GRIK4: variants seen among roughly 807,000 people sequenced by gnomAD.
The protein encoded by GRIK4 is glutamate ionotropic receptor kainate type subunit 4, also known as glutamate receptor ionotropic, kainate 4.
In GRIK4, 40 loss-of-function variants were observed where a neutral mutation model predicts 104.9. That is an observed-to-expected ratio of 0.38 (90% CI 0.30 to 0.50). The LOEUF is 0.50. GRIK4 is among the 20% of genes least tolerant of loss of function. The pLI, the probability that GRIK4 is intolerant of heterozygous loss-of-function variation, is 0.93. For missense variants in GRIK4, 1,047 were observed against 1,308.1 expected (o/e 0.80, Z 3.08); for synonymous variants, 485 against 524.9 (o/e 0.92, Z 1.04).
intron 3 of GRIK4, among the ~76,000 whole-genome samples, chr11:120,731,366 A>C (rs1338295281): frequency 6.6e-6 from 1 of 151,942 alleles, no homozygotes; most frequent in East Asian, 1.9e-4. Flanking sequence ...ATATAATGTC[A>C]CGTTGCTTGA....
intron 13 of GRIK4, chr11:120,936,406 T>A: frequency 8.6e-6 from 3 of 347,634 alleles, no homozygotes; most frequent in South Asian, 8.2e-5. Flanking sequence ...TTTTTTTCTG[T>A]CTCCCCTTTA....
At chr11:120,901,311 C>T (rs1394555910) in intron 12 of GRIK4, among the ~76,000 whole-genome samples, 2 of 10,378 alleles carry the variant, frequency 1.9e-4, no homozygotes, top group Non-Finnish European at 3.2e-4. Flanking sequence ...AAGACCTGCT[C>T]GCTGCATCCT....
chr11:120,866,263 C>T (rs1179508277), intron 9 of GRIK4, among the ~76,000 whole-genome samples: 1 of 152,180 alleles, frequency 6.6e-6, no homozygotes, highest in Non-Finnish European at 1.5e-5. Flanking sequence ...AAGGTGACTC[C>T]TCGGCATATG....
At chr11:120,735,952 G>A (rs1352225614) in intron 3 of GRIK4, among the ~76,000 whole-genome samples, 2 of 152,114 alleles carry the variant, frequency 1.3e-5, no homozygotes, top group Admixed American at 1.3e-4. Flanking sequence ...TCTGTCCCAG[G>A]GCAGGTCCAG....
intron 10 of GRIK4, 142 bp downstream of exon 10, chr11:120,874,360 G>A (rs1954711013): frequency 3.0e-6 from 2 of 659,842 alleles, no homozygotes; most frequent in Admixed American, 5.3e-5. Flanking sequence ...GTGATCTCTG[G>A]TGACCCCAGT....
At chr11:120,572,783 C>T (rs1565555068) in intron 1 of GRIK4, among the ~76,000 whole-genome samples, 1 of 152,218 alleles carries the variant, frequency 6.6e-6, no homozygotes, top group Admixed American at 6.5e-5. Context: ...AAGGGAACAG[C>T]ACTGATGGAT....
chr11:120,694,581 G>A (rs1219729491), intron 3 of GRIK4, among the ~76,000 whole-genome samples: 1 of 152,188 alleles, frequency 6.6e-6, no homozygotes, highest in Admixed American at 6.5e-5. Flanking sequence ...GCTCTGGGGG[G>A]CATAGTTTGG....
chr11:120,857,923 C>A (rs975655078), intron 8 of GRIK4, among the ~76,000 whole-genome samples: 2 of 152,226 alleles, frequency 1.3e-5, no homozygotes, highest in Non-Finnish European at 2.9e-5. Flanking sequence ...CAAAGCCACC[C>A]ACACTTGGAG....
chr11:120,954,975 A>G (rs1309224470), intron 15 of GRIK4, among the ~76,000 whole-genome samples: 1 of 151,756 alleles, frequency 6.6e-6, no homozygotes, highest in Non-Finnish European at 1.5e-5. Context: ...TGGGTCCCCA[A>G]CTCCTCCTCA....
chr11:120,653,140 A>G (rs1490792512), intron 1 of GRIK4, among the ~76,000 whole-genome samples: 2 of 152,228 alleles, frequency 1.3e-5, no homozygotes, highest in Non-Finnish European at 2.9e-5. Context: ...TAGCTGCTGC[A>G]TGCCAGGCAC....
chr11:120,947,716 C>G (rs1452629904), intron 14 of GRIK4, among the ~76,000 whole-genome samples: 1 of 152,134 alleles, frequency 6.6e-6, no homozygotes, highest in East Asian at 1.9e-4. Context: ...TGAAGAAGCT[C>G]AAGGTGTGTT....
At chr11:120,562,323 C>T (rs1017108620) in intron 1 of GRIK4, among the ~76,000 whole-genome samples, 8 of 152,178 alleles carry the variant, frequency 5.3e-5, no homozygotes, top group Admixed American at 5.2e-4. Context: ...GAAATAATGA[C>T]GTGTGAAAAA....
chr11:120,796,791 A>G (rs1231337261), intron 3 of GRIK4, among the ~76,000 whole-genome samples: 1 of 151,320 alleles, frequency 6.6e-6, no homozygotes, highest in Admixed American at 6.6e-5. Flanking sequence ...CTCTTCAGAG[A>G]GTGGGGAGGT....
In GRIK4 at chr11:120,753,297, CTGTGTGTGTG is replaced by C. The variant is rs57423619; in HGVS notation, c.83-49359_83-49350del. Among the ~76,000 whole-genome samples the C allele has an allele frequency of 1.2e-3, 155 of 130,252 alleles. 1 individual carries two copies. The highest frequency in any genetic ancestry group is 3.8e-3 in the Middle Eastern group (1 of 264). 85.5% of individuals were successfully genotyped at this position (130,252 alleles called of 152,430 possible). A position where few individuals can be genotyped will look rare whatever the true frequency, so the allele number is the denominator to read the frequency against. On this transcript the variant is annotated intron_variant, in intron 3 of 20. Coordinates refer to ENST00000527524, the MANE Select transcript of GRIK4 (RefSeq NM_014619.5). ...AGTTGAGCAATCAGACAACACAACT[CTGTGTGTGTG>C]TGTGTGTGTGTGTGTGTGTGTGTGT...
chr11:120,783,718 A>G (rs1266906291), intron 3 of GRIK4, among the ~76,000 whole-genome samples: 1 of 152,134 alleles, frequency 6.6e-6, no homozygotes, highest in Admixed American at 6.5e-5. Context: ...GAATATTCTG[A>G]CAACAGTCAA....
At chr11:120,923,559 C>T (rs1266173068) in intron 13 of GRIK4, among the ~76,000 whole-genome samples, 5 of 151,824 alleles carry the variant, frequency 3.3e-5, no homozygotes, top group Non-Finnish European at 7.4e-5. Context: ...ACTACAGGCA[C>T]CCACCACCAC....
At chr11:120,758,154 C>A (rs1253669574) in intron 3 of GRIK4, among the ~76,000 whole-genome samples, 3 of 152,126 alleles carry the variant, frequency 2.0e-5, no homozygotes, top group Admixed American at 1.3e-4. Flanking sequence ...CACACGATCC[C>A]ATGCAGCAGA....
At chr11:120,603,597 C>T (rs771726627) in intron 1 of GRIK4, among the ~76,000 whole-genome samples, 8 of 152,168 alleles carry the variant, frequency 5.3e-5, no homozygotes, top group Non-Finnish European at 1.2e-4. Context: ...TCACGACAAG[C>T]CTGCCCTGGA....
chr11:120,602,814 C>T (rs973892960), intron 1 of GRIK4, among the ~76,000 whole-genome samples: 1 of 152,168 alleles, frequency 6.6e-6, no homozygotes, highest in Admixed American at 6.5e-5. Context: ...GCAATCCTCC[C>T]GTCTCAGCCT....
Sources: allele counts gnomAD v4.1 joint callset (sites outside exome capture counted in the v4.1 genomes callset), GRCh38; gene constraint gnomAD v4.1.1; transcripts MANE v1.5; gene names NCBI Gene and HGNC (gene_info 2026-07-23, HGNC 2026-07-21).